The following SQOR variants were observed in gnomAD, a reference collection of about 807,000 sequenced individuals.
SQOR encodes sulfide:quinone oxidoreductase, mitochondrial.
SQOR carries 39 observed loss-of-function variants against 48.6 expected under a neutral mutation model. The ratio of observed to expected loss-of-function variants is 0.80; its 90% CI spans 0.62 to 1.05. The LOEUF is 1.05. Among genes scored for constraint, SQOR ranks in the 50% least tolerant of loss-of-function variants. The probability of loss-of-function intolerance (pLI) is 0.00; values close to 1 mark genes in which losing one functional copy is unlikely to be tolerated. For synonymous variants in SQOR, 220 were observed against 206.2 expected (o/e 1.07, Z -0.57); for missense variants, 561 against 559.9 (o/e 1.00, Z -0.02).
chr15:45,691,256 T>C lies in SQOR; in HGVS notation c.*226T>C, dbSNP rs11633. ...ATAATAAAATGAAATAATACTTTTATTTTCTGAATAAAAGTTTGTCACTGA... is the reference window on the plus strand; with the variant it reads ...ATAATAAAATGAAATAATACTTTTACTTTCTGAATAAAAGTTTGTCACTGA... On this transcript the variant is annotated 3_prime_UTR_variant, in exon 10 of 10. Transcript: ENST00000260324. The C allele has an allele frequency of 1.9e-5, 10 of 513,180 alleles. No individual in the cohort carries two copies. The highest frequency in any genetic ancestry group is 3.1e-5 in the Non-Finnish European group (9 of 290,426). The allele number at this position is 513,180 out of a possible 1,614,324, so 31.8% of individuals were successfully genotyped here. A position where few individuals can be genotyped will look rare whatever the true frequency, so the allele number is the denominator to read the frequency against.
chr15:45,675,481 G>A lies in SQOR; in HGVS notation c.655-620G>A, dbSNP rs997314123. Among the ~76,000 whole-genome samples the A allele has an allele frequency of 8.6e-5, 13 of 151,680 alleles. No individual in the cohort carries two copies. The South Asian group carries it at 2.1e-3, about 24-fold the overall frequency. On this transcript the variant is annotated intron_variant, in intron 5 of 9. Coordinates refer to ENST00000260324, the MANE Select transcript of SQOR (RefSeq NM_021199.4). ...GCAATCTCAGCTCCCTGCAAACTCCGCTTCCTGGGTTCAAGCCATTCTCCT... is the reference window on the plus strand; with the variant it reads ...GCAATCTCAGCTCCCTGCAAACTCCACTTCCTGGGTTCAAGCCATTCTCCT...
intron 4 of SQOR, among the ~76,000 whole-genome samples, chr15:45,672,026 T>C (rs1409013945): frequency 6.6e-6 from 1 of 152,226 alleles, no homozygotes; most frequent in Non-Finnish European, 1.5e-5. Flanking sequence ...CAGGTTTTCC[T>C]GAAAGGAGCT....
upstream of SQOR, among the ~76,000 whole-genome samples, chr15:45,633,650 C>T (rs902771568): frequency 2.1e-5 from 3 of 142,246 alleles, no homozygotes; most frequent in Non-Finnish European, 4.5e-5. Context: ...GCTGAGATCA[C>T]ACCACTGCAC....
At chr15:45,650,942 C>A (rs571864763) in intron 1 of SQOR, among the ~76,000 whole-genome samples, 3 of 152,260 alleles carry the variant, frequency 2.0e-5, no homozygotes, top group Non-Finnish European at 4.4e-5. Flanking sequence ...AGGAGCCCAG[C>A]TGGCTTCACC....
At chr15:45,651,765 G>T (rs1337040286) in intron 1 of SQOR, among the ~76,000 whole-genome samples, 1 of 152,006 alleles carries the variant, frequency 6.6e-6, no homozygotes, top group Non-Finnish European at 1.5e-5. Flanking sequence ...CACCGTACCC[G>T]GCCTTGATTT....
intron 1 of SQOR, among the ~76,000 whole-genome samples, chr15:45,637,873 C>A (rs545862406): frequency 1.1e-3 from 164 of 152,316 alleles, no homozygotes; most frequent in African/African-American, 3.8e-3. Flanking sequence ...CTTCTCCTTT[C>A]ACGTTTCCCT....
intron 1 of SQOR, among the ~76,000 whole-genome samples, chr15:45,650,444 G>A (rs1337232533): frequency 3.3e-5 from 5 of 152,312 alleles, no homozygotes. Flanking sequence ...TGAAGCTGCA[G>A]ACCTTCACAG....
intron 3 of SQOR, among the ~76,000 whole-genome samples, chr15:45,669,720 C>T (rs376227115): frequency 6.6e-6 from 1 of 152,148 alleles, no homozygotes; most frequent in African/African-American, 2.4e-5. Context: ...TGCCCACCTC[C>T]CCCAGCCCCA....
At chr15:45,648,199 G>A (rs963802258) in intron 1 of SQOR, among the ~76,000 whole-genome samples, 4 of 150,252 alleles carry the variant, frequency 2.7e-5, no homozygotes, top group South Asian at 2.1e-4. Context: ...TTTTTGAGAC[G>A]GAATCTTGCG....
In SQOR at chr15:45,688,346, C is replaced by A. The variant is rs1265209804; in HGVS notation, c.1058C>A (p.Ser353Ter). Residue 353 changes from serine (S) to a stop codon, truncating the protein, a stop_gained, in exon 8 of 10, where the codon TCA (serine) becomes TAA (stop). Coordinates refer to ENST00000260324, the MANE Select transcript of SQOR (RefSeq NM_021199.4). LOFTEE classifies it high-confidence loss of function. Reference protein sequence around the residue: ...SKTAAAVAAQSGILDRTISVI... With the variant: ...SKTAAAVAAQ ...CCCATTTCTCTTATAGCTGCCCAGT[C>A]AGGAATACTTGATAGGACAATTTCT... is the stretch of plus-strand genomic sequence containing the variant. 1 of 1,605,054 alleles carries A rather than the reference C, an allele frequency of 6.2e-7. No homozygotes were observed. Among genetic ancestry groups the A allele is most frequent in the South Asian group, 1.1e-5 (1 of 88,220 alleles).
intron 3 of SQOR, among the ~76,000 whole-genome samples, chr15:45,663,415 A>G (rs985469544): frequency 6.6e-6 from 1 of 152,074 alleles, no homozygotes; most frequent in Non-Finnish European, 1.5e-5. Flanking sequence ...CAGATTTTGC[A>G]TTTGCTTTTA....
chr15:45,670,301 A>G (rs899277594), intron 4 of SQOR, among the ~76,000 whole-genome samples: 5 of 152,200 alleles, frequency 3.3e-5, no homozygotes, highest in African/African-American at 1.2e-4. Context: ...AGTTGGCTGT[A>G]TTGAAGATTA....
At chr15:45,632,960 A>C (rs1894925077), upstream of SQOR, among the ~76,000 whole-genome samples, 1 of 151,918 alleles carries the variant, frequency 6.6e-6, no homozygotes, top group Non-Finnish European at 1.5e-5. Context: ...AAAATAAATA[A>C]ATTTAGAAAA....
intron 3 of SQOR, among the ~76,000 whole-genome samples, chr15:45,663,234 G>C (rs539948360): frequency 2.0e-5 from 3 of 152,004 alleles, no homozygotes; most frequent in Non-Finnish European, 4.4e-5. Context: ...GGCCAGGCTG[G>C]CTCGAACTCT....
chr15:45,687,424 T>C (rs963257919), intron 7 of SQOR, among the ~76,000 whole-genome samples: 2 of 152,216 alleles, frequency 1.3e-5, no homozygotes, highest in African/African-American at 2.4e-5. Flanking sequence ...GCAGTCTTAA[T>C]TATTCAACAT....
Position 45,659,113 on chromosome 15 carries a change from A to G in SQOR, c.190A>G (p.Arg64Gly). ...GGITMAARMK[R>G]KVGAENVAIV... ...AATCACCATGGCTGCCCGCATGAAG[A>G]GGAAAGTGGGTGCAGAGAATGTGGC... The change falls in exon 2 of 10, where the codon AGG becomes GGG. Residue 64 changes from arginine to glycine, a missense_variant. By Grantham distance (125) the Arg-to-Gly change is moderately radical. Transcript: ENST00000260324. The G allele has an allele frequency of 6.3e-7, 1 of 1,576,442 alleles. No homozygotes were observed. Among genetic ancestry groups the G allele is most frequent in the Non-Finnish European group, 8.6e-7 (1 of 1,159,606 alleles).
upstream of SQOR, among the ~76,000 whole-genome samples, chr15:45,633,693 CA>C (rs397854330): frequency 0.31 from 23,782 of 77,624 alleles, 2,056 homozygotes; most frequent in Admixed American, 0.47. Flanking sequence ...GACTTCGCCT[CA>C]AAAAAAAAAA....
chr15:45,636,186 A>G (rs1454236300), intron 1 of SQOR, among the ~76,000 whole-genome samples: 4 of 152,144 alleles, frequency 2.6e-5, no homozygotes, highest in East Asian at 3.9e-4. Flanking sequence ...AAGGAAACCA[A>G]TTGCAAAACA....
chr15:45,658,954 C>T lies in SQOR; in HGVS notation c.31C>T (p.Pro11Ser). 2 of 1,575,058 alleles carry T rather than the reference C, an allele frequency of 1.3e-6. No homozygotes were observed. The highest frequency in any genetic ancestry group is 8.6e-7 in the Non-Finnish European group (1 of 1,156,686). MVPLVAVVSG[P>S]RAQLFACLLR... ...GCCACTGGTGGCTGTGGTATCAGGG[C>T]CCCGTGCCCAGCTCTTTGCCTGCCT... Residue 11 changes from proline (P) to serine (S), a missense_variant, in exon 2 of 10, where the codon CCC becomes TCC. By Grantham distance (74) the Pro-to-Ser change is moderately conservative (BLOSUM62 -1). Coordinates refer to ENST00000260324, the MANE Select transcript of SQOR (RefSeq NM_021199.4).
Sources: gnomAD v4.1 joint callset for allele counts (sites outside exome capture counted in the v4.1 genomes callset) on GRCh38, gnomAD v4.1.1 for gene constraint, MANE v1.5 for transcripts, NCBI Gene and HGNC (gene_info 2026-07-23, HGNC 2026-07-21) for gene names.